Variants in MATK observed in about 807,000 individuals in gnomAD.
MATK encodes megakaryocyte-associated tyrosine kinase.
MATK carries 41 observed loss-of-function variants against 59.8 expected under a neutral mutation model. The observed-to-expected ratio is 0.69, with a 90% confidence interval of 0.53 to 0.89. The LOEUF is 0.89. Ranked by LOEUF, MATK falls within the 40% of genes least tolerant of loss-of-function variation. The probability of loss-of-function intolerance (pLI) is 0.00; values close to 1 mark genes in which losing one functional copy is unlikely to be tolerated. For missense variants in MATK, 593 were observed against 719.6 expected, an observed-to-expected ratio of 0.82 and a Z score of 2.01; for synonymous variants, 308 against 306.1, an observed-to-expected ratio of 1.01 and a Z score of -0.06.
chr19:3,790,832 C>T (rs868262779), upstream of MATK, among the ~76,000 whole-genome samples: 27 of 152,148 alleles, frequency 1.8e-4, no homozygotes, highest in Non-Finnish European at 2.9e-5. Context: ...CCTGAAAGGG[C>T]CCCTTGCTAG....
At chr19:3,798,683 T>A (rs1397661567) in intron 1 of MATK, among the ~76,000 whole-genome samples, 1 of 151,888 alleles carries the variant, frequency 6.6e-6, no homozygotes, top group Non-Finnish European at 1.5e-5. Flanking sequence ...GCTAATTTTT[T>A]TTTTTTTTGG....
At chr19:3,784,305 C>A in intron 4 of MATK, 33 bp downstream of exon 4, 1 of 1,592,174 alleles carries the variant, frequency 6.3e-7, no homozygotes, top group Non-Finnish European at 8.6e-7. Context: ...AGCCCCCAGC[C>A]CCAAGCACCC....
At chr19:3,783,451 G>A (rs1385088250) in intron 6 of MATK, among the ~76,000 whole-genome samples, 2 of 152,024 alleles carry the variant, frequency 1.3e-5, no homozygotes, top group East Asian at 1.9e-4. Context: ...AGTCCCTGGA[G>A]GTAGAACCAG....
intron 1 of MATK, among the ~76,000 whole-genome samples, chr19:3,799,254 T>G (rs1443750575): frequency 6.6e-6 from 1 of 152,142 alleles, no homozygotes; most frequent in Non-Finnish European, 1.5e-5. Flanking sequence ...ACTACCAGTT[T>G]GACCCCAATT....
At chr19:3,793,871 A>T (rs538842929) in intron 1 of MATK, among the ~76,000 whole-genome samples, 1 of 152,228 alleles carries the variant, frequency 6.6e-6, no homozygotes, top group Non-Finnish European at 1.5e-5. Context: ...TGTCAAAATA[A>T]ATAAATAAAA....
chr19:3,781,040 G>A (rs1262477691), intron 8 of MATK, among the ~76,000 whole-genome samples: 1 of 152,158 alleles, frequency 6.6e-6, no homozygotes, highest in Non-Finnish European at 1.5e-5. Flanking sequence ...GTTTTTGCAT[G>A]TTTAAATGGT....
At chr19:3,800,372 T>C (rs1296713962) in intron 1 of MATK, among the ~76,000 whole-genome samples, 1 of 152,128 alleles carries the variant, frequency 6.6e-6, no homozygotes, top group Admixed American at 6.5e-5. Flanking sequence ...CTCAGCCCTG[T>C]AGTCCCAGCA....
In MATK at chr19:3,782,138, A is replaced by G. The variant is rs141689902; in HGVS notation, c.677-466T>C. On this transcript the variant is annotated intron_variant, in intron 7 of 13. Transcript: ENST00000310132. The stretch of plus-strand genomic sequence containing the variant: ...ACAGTTCTTTACCTCTGACCACCCC[A>G]GAAACACACACAGAGCAAAAAAACA... Among the ~76,000 whole-genome samples the G allele has an allele frequency of 1.3e-3, 203 of 152,256 alleles. 3 individuals are homozygous for G. Among genetic ancestry groups the G allele is most frequent in the African/African-American group, 4.7e-3 (196 of 41,526 alleles).
At position 3,779,574 on chromosome 19, in the gene MATK, G is replaced by C. The variant is rs1381776326; in HGVS notation, c.886C>G (p.Leu296Val). 1.2e-6 allele frequency: 2 copies of C among 1,611,964 alleles called. No individual in the cohort carries two copies. Among genetic ancestry groups the C allele is most frequent in the Admixed American group, 3.3e-5 (2 of 59,844 alleles). ...ENLVRLLGVI[L>V]HQGLYIVMEH... ...ATGACAATGTACAGCCCCTGGTGCA[G>C]GATCACGCCCAGGAGACGCACCAGG... Residue 296 changes from leucine (L) to valine (V), a missense_variant, in exon 10 of 14, where the codon CTG (leucine) becomes GTG (valine). Transcript: ENST00000310132.
rs199704603 is a variant in MATK, at chr19:3,781,301, GAAT to G, written c.742+303_742+305del. Among the ~76,000 whole-genome samples, 1,284 of 152,204 alleles carry G rather than the reference GAAT, an allele frequency of 8.4e-3. 18 individuals are homozygous for G. Among genetic ancestry groups the G allele is most frequent in the African/African-American group, 0.03 (1,237 of 41,508 alleles). On this transcript the variant is annotated intron_variant, in intron 8 of 13. Coordinates refer to ENST00000310132, the MANE Select transcript of MATK (RefSeq NM_139355.3). ...CTGATCTAAACCCCAGAGCCTTCCA[GAAT>G]AATAATTTCAGGGAATGGTGTTTCA...
chr19:3,790,056 C>T (rs1265097708), upstream of MATK, among the ~76,000 whole-genome samples: 3 of 152,178 alleles, frequency 2.0e-5, no homozygotes, highest in Admixed American at 1.3e-4. Flanking sequence ...TGCCCGCCAC[C>T]ATGCCCAGCT....
upstream of MATK, chr19:3,787,865 A>G (rs926061859): frequency 6.6e-6 from 1 of 151,960 alleles, no homozygotes; most frequent in African/African-American, 2.4e-5. Context: ...AGGCCCAGTT[A>G]CAAGAGAATT....
intron 1 of MATK, among the ~76,000 whole-genome samples, chr19:3,791,969 G>T (rs373930544): frequency 1.3e-5 from 2 of 152,016 alleles, no homozygotes; most frequent in East Asian, 1.9e-4. Context: ...TTAGCTGGGC[G>T]TGGCGGCGGG....
At chr19:3,798,631 G>T (rs1163983573) in intron 1 of MATK, among the ~76,000 whole-genome samples, 1 of 151,998 alleles carries the variant, frequency 6.6e-6, no homozygotes. Context: ...TCCTGCCTCA[G>T]CCTCCCAAGG....
chr19:3,778,862 G>A, intron 12 of MATK, 130 bp downstream of exon 12: 3 of 1,017,674 alleles, frequency 2.9e-6, no homozygotes, highest in Non-Finnish European at 4.2e-6. Context: ...ACAATTATGG[G>A]CCAAGAGCTT....
At chr19:3,786,396 GCGC>G (rs992108918), upstream of MATK, 56 of 977,820 alleles carry the variant, frequency 5.7e-5, no homozygotes, top group South Asian at 1.8e-4. This position sits in a 1 kb window ranked among gnomAD's most constrained non-coding sequence, Gnocchi z 4.1. Context: ...TCTCCTCCGC[GCGC>G]CGCCGCCGCC....
chr19:3,795,683 C>T (rs2037587047), intron 1 of MATK, among the ~76,000 whole-genome samples: 1 of 148,964 alleles, frequency 6.7e-6, no homozygotes, highest in Non-Finnish European at 1.5e-5. Context: ...GCAGGTTGGA[C>T]TTGGCCCTCA....
chr19:3,784,721 G>T, intron 3 of MATK, 104 bp downstream of exon 3: 1 of 804,140 alleles, frequency 1.2e-6, no homozygotes, highest in South Asian at 1.4e-5. Context: ...CCAGCAGAAG[G>T]GGGTAGGGGG....
Position 3,784,049 on chromosome 19 carries a change from G to T in MATK, c.363-16C>A, listed in dbSNP as rs2037441659. 1.3e-6 allele frequency: 2 copies of T among 1,599,370 alleles called. No homozygotes were observed. The highest frequency in any genetic ancestry group is 1.7e-6 in the Non-Finnish European group (2 of 1,171,230). On this transcript the variant is annotated splice_polypyrimidine_tract_variant and intron_variant, in intron 5 of 13. Transcript: ENST00000310132. ...GTGGAACCACCTGCGGCCACGGAAG[G>T]GGTGGGTCAGACTGGGCTGTGGAGG...
Sources: gnomAD v4.1 joint callset for allele counts (sites outside exome capture counted in the v4.1 genomes callset) on GRCh38, gnomAD v4.1.1 for gene constraint, Gnocchi (gnomAD v3.1) non-coding constraint, MANE v1.5 for transcripts, NCBI Gene and HGNC (gene_info 2026-07-23, HGNC 2026-07-21) for gene names.